PRR16: variants seen among roughly 807,000 people sequenced by gnomAD.
PRR16 encodes the protein proline rich 16.
In PRR16, 6 loss-of-function variants were observed where a neutral mutation model predicts 18.2. The ratio of observed to expected loss-of-function variants is 0.33; its 90% CI spans 0.18 to 0.65. The LOEUF is 0.65. PRR16 is among the 30% of genes least tolerant of loss of function. The probability of loss-of-function intolerance (pLI) is 0.74; values close to 1 mark genes in which losing one functional copy is unlikely to be tolerated. For missense variants in PRR16, 412 were observed against 376.6 expected, an observed-to-expected ratio of 1.09 and a Z score of -0.78; for synonymous variants, 151 against 147.8, an observed-to-expected ratio of 1.02 and a Z score of -0.16.
the PRR16 span, among the ~76,000 whole-genome samples, chr5:120,714,218 ATATT>A: frequency 6.6e-6 from 1 of 152,168 alleles, no homozygotes. Flanking sequence ...ATTTATTAGA[ATATT>A]TATTAAAATC....
the PRR16 span, among the ~76,000 whole-genome samples, chr5:120,717,247 C>T: frequency 0.98 from 148,713 of 152,340 alleles, 72,698 homozygotes; most frequent in East Asian, 1. Context: ...CCACTTTTCA[C>T]GTATTAATAA....
At chr5:120,544,121 G>A (rs768531759) in intron 1 of PRR16, among the ~76,000 whole-genome samples, 1 of 152,114 alleles carries the variant, frequency 6.6e-6, no homozygotes, top group Non-Finnish European at 1.5e-5. Flanking sequence ...GCTTGAAGTT[G>A]TCTGCTAGGT....
chr5:120,649,089 A>G (rs1755691061), intron 1 of PRR16, among the ~76,000 whole-genome samples: 1 of 152,162 alleles, frequency 6.6e-6, no homozygotes, highest in African/African-American at 2.4e-5. Context: ...ATTTTAAGAA[A>G]TGGCTCTTGC....
At chr5:120,566,281 T>G (rs1752734932) in intron 1 of PRR16, among the ~76,000 whole-genome samples, 1 of 152,206 alleles carries the variant, frequency 6.6e-6, no homozygotes, top group Non-Finnish European at 1.5e-5. Flanking sequence ...TGGACTTCCT[T>G]GCCTCCAGAA....
the PRR16 span, among the ~76,000 whole-genome samples, chr5:120,719,948 T>C: frequency 2.0e-5 from 3 of 152,032 alleles, no homozygotes; most frequent in African/African-American, 4.8e-5. Context: ...TGTTCTTAAT[T>C]TGGAAGAAGT....
intron 1 of PRR16, among the ~76,000 whole-genome samples, chr5:120,619,971 A>G (rs1282851144): frequency 2.2e-4 from 33 of 152,136 alleles, no homozygotes; most frequent in Admixed American, 2.2e-3. Context: ...CAGAGAGAAT[A>G]TGAAAGTTAA....
chr5:120,483,284 A>T (rs991297252), intron 1 of PRR16, among the ~76,000 whole-genome samples: 2 of 152,184 alleles, frequency 1.3e-5, no homozygotes, highest in African/African-American at 4.8e-5. Context: ...TGTATCCCCA[A>T]GTGAAATGCA....
chr5:120,653,537 G>A (rs1052338763), intron 1 of PRR16, among the ~76,000 whole-genome samples: 1 of 151,680 alleles, frequency 6.6e-6, no homozygotes. Context: ...GAAAAACAAA[G>A]GTATTCTAGA....
At chr5:120,634,814 A>T (rs1310377068) in intron 1 of PRR16, among the ~76,000 whole-genome samples, 1 of 152,168 alleles carries the variant, frequency 6.6e-6, no homozygotes, top group Non-Finnish European at 1.5e-5. Context: ...AATACAACAG[A>T]TCAATGAAAC....
chr5:120,708,589 A>G, the PRR16 span, among the ~76,000 whole-genome samples: 1 of 152,350 alleles, frequency 6.6e-6, no homozygotes, highest in Admixed American at 6.5e-5. Context: ...AATAAAAGGG[A>G]AAGTGTAAAG....
At chr5:120,761,419 T>A in the PRR16 span, among the ~76,000 whole-genome samples, 1 of 152,104 alleles carries the variant, frequency 6.6e-6, no homozygotes, top group South Asian at 2.1e-4. Flanking sequence ...CTAGACTATA[T>A]CTCAAAGACT....
chr5:120,564,626 G>A (rs752100326), intron 1 of PRR16, among the ~76,000 whole-genome samples: 1 of 147,226 alleles, frequency 6.8e-6, no homozygotes, highest in Non-Finnish European at 1.5e-5. Flanking sequence ...AGCCACTATT[G>A]GGGGGTGGAA....
intron 1 of PRR16, among the ~76,000 whole-genome samples, chr5:120,514,268 G>A (rs550658802): frequency 6.6e-6 from 1 of 152,140 alleles, no homozygotes; most frequent in Non-Finnish European, 1.5e-5. Flanking sequence ...TTGCCTGGAA[G>A]TTCTCTGAAA....
intron 1 of PRR16, among the ~76,000 whole-genome samples, chr5:120,589,839 A>G (rs1338461368): frequency 6.6e-6 from 1 of 152,106 alleles, no homozygotes; most frequent in Non-Finnish European, 1.5e-5. Context: ...GTGGGGACAC[A>G]GAGCCAAACC....
intron 1 of PRR16, among the ~76,000 whole-genome samples, chr5:120,662,124 T>A (rs987054187): frequency 1.3e-5 from 2 of 152,260 alleles, no homozygotes; most frequent in Middle Eastern, 3.4e-3. Flanking sequence ...ATCCATAAAT[T>A]CTGTCTAAAA....
At chr5:120,683,238 T>C (rs1212551554) in intron 1 of PRR16, among the ~76,000 whole-genome samples, 1 of 152,188 alleles carries the variant, frequency 6.6e-6, no homozygotes, top group East Asian at 1.9e-4. Context: ...ACACAACAGT[T>C]ACTAAAAGTG....
chr5:120,581,480 C>T (rs982583382), intron 1 of PRR16, among the ~76,000 whole-genome samples: 7 of 152,126 alleles, frequency 4.6e-5, no homozygotes, highest in African/African-American at 1.2e-4. Flanking sequence ...CTCCTGGATT[C>T]GTTGATTTTT....
chr5:120,492,064 C>A (rs369452872), intron 1 of PRR16, among the ~76,000 whole-genome samples: 1 of 150,248 alleles, frequency 6.7e-6, no homozygotes, highest in Admixed American at 6.6e-5. Flanking sequence ...CTTTGTTCAC[C>A]TTTACTGTTT....
intron 1 of PRR16, among the ~76,000 whole-genome samples, chr5:120,564,553 A>T (rs1342899613): frequency 6.6e-6 from 1 of 152,116 alleles, no homozygotes; most frequent in Non-Finnish European, 1.5e-5. Context: ...ACTGAGTTCA[A>T]TGGAAAGTTC....
Sources: gnomAD v4.1 joint callset for allele counts (sites outside exome capture counted in the v4.1 genomes callset) on GRCh38, gnomAD v4.1.1 for gene constraint, MANE v1.5 for transcripts, NCBI Gene and HGNC (gene_info 2026-07-23, HGNC 2026-07-21) for gene names.